The following TSKS variants were observed in gnomAD, a reference collection of about 807,000 sequenced individuals.
TSKS encodes testis-specific serine kinase substrate.
Under a neutral mutation model 68.0 loss-of-function variants are expected in TSKS, and 27 were observed. The ratio of observed to expected loss-of-function variants is 0.40; its 90% CI spans 0.29 to 0.55. TSKS has a LOEUF of 0.55. Among genes scored for constraint, TSKS ranks in the 20% least tolerant of loss-of-function variants. The pLI, the probability that TSKS is intolerant of heterozygous loss-of-function variation, is 0.53. For missense variants in TSKS, 806 were observed against 776.0 expected, an observed-to-expected ratio of 1.04 and a Z score of -0.46; for synonymous variants, 331 against 340.4, an observed-to-expected ratio of 0.97 and a Z score of 0.30.
rs544483542 is a variant in TSKS, at chr19:49,747,023, A to G, written c.664-225T>C. 2.4e-6 allele frequency: 3 copies of G among 1,249,634 alleles called. No homozygotes were observed. The African/African-American group carries it at 4.5e-5, about 19-fold the overall frequency. 77.4% of individuals were successfully genotyped at this position (1,249,634 alleles called of 1,614,324 possible). On this transcript the variant is annotated intron_variant, in intron 5 of 10. Transcript: ENST00000246801. Reference sequence around the variant, plus strand: ...TCCCACAGCCTGCCTCCAGGTATCCACCCGGCCCTCCAAGCCCTCCAGGCG... The same window carrying G: ...TCCCACAGCCTGCCTCCAGGTATCCGCCCGGCCCTCCAAGCCCTCCAGGCG...
At chr19:49,752,417 TC>T (rs1162106005) in intron 2 of TSKS, among the ~76,000 whole-genome samples, 2 of 150,190 alleles carry the variant, frequency 1.3e-5, no homozygotes, top group Non-Finnish European at 3.0e-5. Flanking sequence ...GTGTGGCATC[TC>T]CTTGCTCCTG....
intron 1 of TSKS, 142 bp from the exon 2 acceptor site, chr19:49,762,374 A>C: frequency 3.3e-6 from 2 of 600,294 alleles, no homozygotes; most frequent in Non-Finnish European, 5.8e-6. Context: ...CCCGCTGCCT[A>C]CTTTATTCTC....
chr19:49,748,085 C>A lies in TSKS; in HGVS notation c.579G>T (p.Lys193Asn), dbSNP rs766855359. 9.3e-6 allele frequency: 15 copies of A among 1,613,990 alleles called. No homozygotes were observed. Among genetic ancestry groups the A allele is most frequent in the Non-Finnish European group, 1.3e-5 (15 of 1,179,898 alleles). The change falls in exon 4 of 11, where the codon AAG (lysine) becomes AAT (asparagine). Residue 193 changes from lysine to asparagine, a missense_variant and splice_region_variant. Lys to Asn is a moderately conservative substitution (Grantham distance 94). Coordinates refer to ENST00000246801, the MANE Select transcript of TSKS (RefSeq NM_021733.2). ...CCATTCCTGCGTCCCACTGGCTCAC[C>A]TTGAGTTGAATGCAGTACCCCTCCA... ...EELEGYCIQL[K>N]ENCWKVTRSV...
chr19:49,743,721 T>C (rs28485442), intron 8 of TSKS, among the ~76,000 whole-genome samples: 12,587 of 150,456 alleles, frequency 0.084, 712 homozygotes, highest in African/African-American at 0.16. Flanking sequence ...AGGATGCTCT[T>C]GATCTCCTGA....
chr19:49,762,288 C>T (rs746463271), intron 1 of TSKS, 56 bp from the exon 2 acceptor site: 25 of 1,419,996 alleles, frequency 1.8e-5, no homozygotes, highest in Admixed American at 3.9e-5. Flanking sequence ...TGTCTGGGCC[C>T]TCCTGCCTTC....
At position 49,740,257 on chromosome 19, in the gene TSKS, G is replaced by A. The variant is rs1000853021; in HGVS notation, c.1498-74C>T. Reference sequence around the variant, plus strand: ...GGTGGAGGGGGAACTGGATTGCGGAGGGCAAAGGGTAGGGTCCCATGGGGC... The same window carrying A: ...GGTGGAGGGGGAACTGGATTGCGGAAGGCAAAGGGTAGGGTCCCATGGGGC... On this transcript the variant is annotated intron_variant, in intron 9 of 10. Transcript: ENST00000246801. 7 of 1,536,562 alleles carry A rather than the reference G, an allele frequency of 4.6e-6. No individual in the cohort carries two copies. In the African/African-American group the frequency reaches 9.6e-5, roughly 21 times the overall value.
chr19:49,740,830 G>T (rs2084245667), intron 9 of TSKS, among the ~76,000 whole-genome samples: 1 of 149,948 alleles, frequency 6.7e-6, no homozygotes, highest in Non-Finnish European at 1.5e-5. Flanking sequence ...GTTGCAACGA[G>T]CCAAGATGGC....
chr19:49,760,800 AAAC>A (rs1398798203), intron 2 of TSKS, among the ~76,000 whole-genome samples: 6 of 151,896 alleles, frequency 4.0e-5, no homozygotes, highest in Non-Finnish European at 8.8e-5. Context: ...AAAAATAAAT[AAAC>A]AAAAGCTGGG....
Position 49,748,394 on chromosome 19 carries a change from G to T in TSKS, c.475C>A (p.Gln159Lys). The T allele has an allele frequency of 6.2e-7, 1 of 1,614,184 alleles. No homozygotes were observed. The highest frequency in any genetic ancestry group is 8.5e-7 in the Non-Finnish European group (1 of 1,180,026). ...CACACCTGCAGAGACTGCACGTGCT[G>T]GTTAACCCGGTTGGTCTTTTCCTTC... ...SLKEKTNRVN[Q>K]HVQSLQSECS... The change falls in exon 3 of 11, where the codon CAG (glutamine) becomes AAG (lysine). Residue 159 changes from glutamine to lysine, a missense_variant. Gln to Lys is a moderately conservative substitution (Grantham distance 53). Coordinates refer to ENST00000246801, the MANE Select transcript of TSKS (RefSeq NM_021733.2).
intron 1 of TSKS, 110 bp from the exon 2 acceptor site, chr19:49,762,342 A>G: frequency 2.7e-6 from 2 of 736,834 alleles, no homozygotes; most frequent in Non-Finnish European, 2.2e-6. Flanking sequence ...CTCACTGTAT[A>G]TAAGTTTCTC....
At position 49,739,854 on chromosome 19, in the gene TSKS, C is replaced by A; in HGVS notation, c.1701G>T (p.Glu567Asp). 1 of 1,614,046 alleles carries A rather than the reference C, an allele frequency of 6.2e-7. No homozygotes were observed. Among genetic ancestry groups the A allele is most frequent in the Non-Finnish European group, 8.5e-7 (1 of 1,179,984 alleles). Reference protein sequence around the residue: ...LHDHLSNLPLEGSTGTMGGGS... With the variant: ...LHDHLSNLPLDGSTGTMGGGS... ...CTCCCCCCATTGTTCCCGTGGACCC[C>A]TCAAGTGGCAGGTTGCTGAGATGAT... is the stretch of plus-strand genomic sequence containing the variant. The change falls in exon 11 of 11, where the codon GAG becomes GAT. Residue 567 changes from glutamate (E) to aspartate (D), a missense_variant. Transcript: ENST00000246801.
At position 49,754,825 on chromosome 19, in the gene TSKS, C is replaced by T. The variant is rs562772776; in HGVS notation, c.400-6356G>A. Among the ~76,000 whole-genome samples, 10 of 152,240 alleles carry T rather than the reference C, an allele frequency of 6.6e-5. No individual in the cohort carries two copies. The South Asian group carries it at 1.7e-3, about 25-fold the overall frequency. ...GAAATTATAGGGTTGAAGGGCCAGGCGCAATGGCTCACACCTGTAATCCCA... is the reference window on the plus strand; with the variant it reads ...GAAATTATAGGGTTGAAGGGCCAGGTGCAATGGCTCACACCTGTAATCCCA... On this transcript the variant is annotated intron_variant, in intron 2 of 10. Transcript: ENST00000246801.
At chr19:49,747,160 C>T in intron 5 of TSKS, 1 of 1,536,194 alleles carries the variant, frequency 6.5e-7, no homozygotes, top group South Asian at 1.2e-5. Context: ...AAGTCCAGCT[C>T]GATTCTCTTT....
At chr19:49,741,201 A>C (rs1289678117) in intron 9 of TSKS, among the ~76,000 whole-genome samples, 2 of 150,532 alleles carry the variant, frequency 1.3e-5, no homozygotes, top group Non-Finnish European at 1.5e-5. Context: ...AAACAAACAA[A>C]AAACAGTCCT....
intron 9 of TSKS, among the ~76,000 whole-genome samples, chr19:49,741,385 C>G (rs2084250894): frequency 6.6e-6 from 1 of 152,120 alleles, no homozygotes; most frequent in Admixed American, 6.6e-5. Context: ...CACTAGGGCT[C>G]AAGTTCCACC....
Position 49,740,132 on chromosome 19 carries a change from AGCT to A in TSKS, c.1546_1548del (p.Ser517del). On this transcript the variant is annotated inframe_deletion, in exon 10 of 11. Transcript: ENST00000246801. ...TCGTCTTGGGCCAGCCGAAGGGTGG[AGCT>A]CAGGGCCTCTGCCCTGACGTGTTTG... 6.2e-7 allele frequency: 1 copy of A among 1,614,096 alleles called. No homozygotes were observed. The highest frequency in any genetic ancestry group is 1.1e-5 in the South Asian group (1 of 91,086).
intron 2 of TSKS, among the ~76,000 whole-genome samples, chr19:49,752,150 A>G (rs1287762037): frequency 6.6e-6 from 1 of 152,118 alleles, no homozygotes; most frequent in Non-Finnish European, 1.5e-5. Context: ...CTGGGAGGCC[A>G]AGGTGGGCAG....
intron 2 of TSKS, among the ~76,000 whole-genome samples, chr19:49,760,170 G>A (rs2084428779): frequency 6.6e-6 from 1 of 151,548 alleles, no homozygotes; most frequent in Admixed American, 6.6e-5. Context: ...GAAAGGAAAA[G>A]AGATATTTGT....
Position 49,759,325 on chromosome 19 carries a change from C to T in TSKS, c.399+2679G>A, listed in dbSNP as rs141098006. On this transcript the variant is annotated intron_variant, in intron 2 of 10. Transcript: ENST00000246801. ...CTCTACTAAAAATACAAAAATTAGC[C>T]GGGCGTGGTGGCACACACCTGTAGT... is the stretch of plus-strand genomic sequence containing the variant. Among the ~76,000 whole-genome samples the T allele has an allele frequency of 0.014, 2,117 of 151,112 alleles. 127 individuals carry two copies. In the East Asian group the frequency reaches 0.21, roughly 15 times the overall value.
Sources: allele counts gnomAD v4.1 joint callset (sites outside exome capture counted in the v4.1 genomes callset), GRCh38; gene constraint gnomAD v4.1.1; transcripts MANE v1.5; gene names NCBI Gene and HGNC (gene_info 2026-07-23, HGNC 2026-07-21).